ABTB3: variants seen among roughly 807,000 people sequenced by gnomAD.
ABTB3 encodes the protein ankyrin repeat and BTB domain containing 3.
the ABTB3 span, among the ~76,000 whole-genome samples, chr12:107,567,750 A>T: frequency 6.6e-6 from 1 of 152,234 alleles, no homozygotes; most frequent in African/African-American, 2.4e-5. Context: ...CCTATTGTGA[A>T]CTACGCATGC....
chr12:107,369,711 T>C, the ABTB3 span, among the ~76,000 whole-genome samples: 1 of 30,974 alleles, frequency 3.2e-5, no homozygotes, highest in Non-Finnish European at 6.5e-5. Flanking sequence ...AACATGGTTT[T>C]TTTTTTTTTT....
the ABTB3 span, chr12:107,319,640 G>A: frequency 6.5e-7 from 1 of 1,536,984 alleles, no homozygotes; most frequent in Non-Finnish European, 8.7e-7. Flanking sequence ...CGAGCACGCC[G>A]CCATCTACCT....
the ABTB3 span, chr12:107,319,276 G>A: frequency 6.5e-7 from 1 of 1,547,236 alleles, no homozygotes. Flanking sequence ...TGCGTTCGCG[G>A]GATCCCCGGG....
the ABTB3 span, among the ~76,000 whole-genome samples, chr12:107,397,165 C>T: frequency 4.6e-5 from 7 of 152,302 alleles, no homozygotes; most frequent in African/African-American, 7.2e-5. Context: ...AGGGCGTGAA[C>T]GTTTGCAGCT....
At chr12:107,525,161 C>CA in the ABTB3 span, among the ~76,000 whole-genome samples, 1 of 151,430 alleles carries the variant, frequency 6.6e-6, no homozygotes, top group Non-Finnish European at 1.5e-5. Flanking sequence ...TTTGTCTCTA[C>CA]AAAAAATGAA....
chr12:107,523,290 TG>T, the ABTB3 span, among the ~76,000 whole-genome samples: 1 of 152,202 alleles, frequency 6.6e-6, no homozygotes, highest in African/African-American at 2.4e-5. Flanking sequence ...TCCTGGCATC[TG>T]AATTTGGAAG....
the ABTB3 span, among the ~76,000 whole-genome samples, chr12:107,608,361 C>G: frequency 2.6e-5 from 4 of 152,222 alleles, no homozygotes; most frequent in Non-Finnish European, 4.4e-5. Flanking sequence ...CATATCACTC[C>G]TCTCACGGCT....
chr12:107,480,665 A>C, the ABTB3 span, among the ~76,000 whole-genome samples: 1 of 152,196 alleles, frequency 6.6e-6, no homozygotes, highest in Non-Finnish European at 1.5e-5. Context: ...TCTAGTTACA[A>C]GGGGTCTGAG....
At chr12:107,347,524 C>T in the ABTB3 span, among the ~76,000 whole-genome samples, 1 of 152,234 alleles carries the variant, frequency 6.6e-6, no homozygotes, top group Middle Eastern at 3.4e-3. Flanking sequence ...TGATGCGTTT[C>T]GACCCCCCTC....
chr12:107,379,327 C>T, the ABTB3 span, among the ~76,000 whole-genome samples: 30 of 152,054 alleles, frequency 2.0e-4, no homozygotes, highest in Non-Finnish European at 3.4e-4. Context: ...ATAATCCCCA[C>T]GTGTCATGGG....
the ABTB3 span, among the ~76,000 whole-genome samples, chr12:107,360,165 G>A: frequency 6.6e-6 from 1 of 152,184 alleles, no homozygotes; most frequent in East Asian, 1.9e-4. Context: ...TATAATCAAT[G>A]TCTGAACAAT....
At chr12:107,638,929 G>A in the ABTB3 span, among the ~76,000 whole-genome samples, 4 of 152,332 alleles carry the variant, frequency 2.6e-5, no homozygotes, top group South Asian at 8.3e-4. Context: ...GAAAGGCTTT[G>A]AAATGGACAG....
At chr12:107,357,846 G>A in the ABTB3 span, among the ~76,000 whole-genome samples, 3 of 152,312 alleles carry the variant, frequency 2.0e-5, no homozygotes, top group East Asian at 3.9e-4. Flanking sequence ...ATGAGAGATG[G>A]TAGTTGGTAT....
At chr12:107,580,750 A>G in the ABTB3 span, 1 of 1,388,684 alleles carries the variant, frequency 7.2e-7, no homozygotes. Context: ...CCCAAATAGA[A>G]ATAACACGGG....
the ABTB3 span, among the ~76,000 whole-genome samples, chr12:107,604,478 AAAG>A: frequency 3.3e-5 from 5 of 152,338 alleles, 1 homozygote; most frequent in South Asian, 1.0e-3. Flanking sequence ...TCATTTCTCA[AAAG>A]AAGACATATA....
the ABTB3 span, among the ~76,000 whole-genome samples, chr12:107,473,100 C>A: frequency 2.0e-5 from 3 of 152,184 alleles, no homozygotes; most frequent in Non-Finnish European, 2.9e-5. Context: ...CTTTGTGGAT[C>A]CTTTGCACCT....
the ABTB3 span, among the ~76,000 whole-genome samples, chr12:107,525,750 G>T: frequency 2.6e-5 from 4 of 152,310 alleles, no homozygotes; most frequent in Non-Finnish European, 5.9e-5. Flanking sequence ...ATCTAGAACT[G>T]TCTTGATCAC....
the ABTB3 span, among the ~76,000 whole-genome samples, chr12:107,550,513 A>G: frequency 6.6e-6 from 1 of 151,162 alleles, no homozygotes; most frequent in Non-Finnish European, 1.5e-5. Flanking sequence ...AAAAAAATGA[A>G]AAACAACAAC....
the ABTB3 span, among the ~76,000 whole-genome samples, chr12:107,439,869 C>T: frequency 6.6e-6 from 1 of 152,152 alleles, no homozygotes. Flanking sequence ...TTTGTTGCAT[C>T]CTTAAAATTT....
Sources: allele counts gnomAD v4.1 joint callset (sites outside exome capture counted in the v4.1 genomes callset), GRCh38; gene constraint gnomAD v4.1.1; transcripts MANE v1.5; gene names NCBI Gene and HGNC (gene_info 2026-07-23, HGNC 2026-07-21).